The following PCDHA9 variants were observed in gnomAD, a reference collection of about 807,000 sequenced individuals.
The protein encoded by PCDHA9 is protocadherin alpha 9.
Under a neutral mutation model 62.0 loss-of-function variants are expected in PCDHA9, and 62 were observed. That is an observed-to-expected ratio of 1.00 (90% CI 0.81 to 1.23). The LOEUF is 1.23. Ranked by LOEUF, PCDHA9 falls within the 50% of genes most tolerant of loss-of-function variation. The probability of loss-of-function intolerance (pLI) is 0.00; values close to 1 mark genes in which losing one functional copy is unlikely to be tolerated. For synonymous variants in PCDHA9, 557 were observed against 567.6 expected, an observed-to-expected ratio of 0.98 and a Z score of 0.27; for missense variants, 1,205 against 1,249.8, an observed-to-expected ratio of 0.96 and a Z score of 0.54.
chr5:140,973,719 C>T (rs1184460895), intron 1 of PCDHA9, among the ~76,000 whole-genome samples: 8 of 152,228 alleles, frequency 5.3e-5, no homozygotes, highest in African/African-American at 1.7e-4. Flanking sequence ...TGAGCCATCA[C>T]ATGGGCATCT....
chr5:140,906,252 C>A (rs1376694912), intron 1 of PCDHA9, among the ~76,000 whole-genome samples: 1 of 152,180 alleles, frequency 6.6e-6, no homozygotes, highest in African/African-American at 2.4e-5. Context: ...AACCCATACA[C>A]ACCTCCTGAA....
At chr5:140,963,091 T>C (rs1250580965) in intron 1 of PCDHA9, among the ~76,000 whole-genome samples, 1 of 152,162 alleles carries the variant, frequency 6.6e-6, no homozygotes, top group African/African-American at 2.4e-5. Flanking sequence ...AAGACATGGC[T>C]CCTGCTTTCA....
At chr5:140,981,828 A>C (rs2096952526) in intron 2 of PCDHA9, among the ~76,000 whole-genome samples, 1 of 152,060 alleles carries the variant, frequency 6.6e-6, no homozygotes, top group Non-Finnish European at 1.5e-5. Context: ...GCTTGCCTCT[A>C]AAGGTCTCCC....
Position 140,870,991 on chromosome 5 carries a change from A to G in PCDHA9, c.2394+20102A>G, listed in dbSNP as rs782466247. On this transcript the variant is annotated intron_variant, in intron 1 of 3. Coordinates refer to ENST00000532602, the MANE Select transcript of PCDHA9 (RefSeq NM_031857.2). ...CCGCGTGGGGCTGTACACGGGCGAGATAAGCACAACGCGTGCCCTGGACGA... is the reference window on the plus strand; with the variant it reads ...CCGCGTGGGGCTGTACACGGGCGAGGTAAGCACAACGCGTGCCCTGGACGA... 10 of 1,613,364 alleles carry G rather than the reference A, an allele frequency of 6.2e-6. No individual in the cohort carries two copies. The East Asian group carries it at 1.1e-4, about 18-fold the overall frequency.
chr5:141,003,638 G>C (rs2098132492), intron 3 of PCDHA9, among the ~76,000 whole-genome samples: 1 of 152,118 alleles, frequency 6.6e-6, no homozygotes, highest in Admixed American at 6.6e-5. Flanking sequence ...TAAAGTAGAA[G>C]TGAAGATCTG....
Position 140,849,719 on chromosome 5 carries a change from G to C in PCDHA9, c.1224G>C (p.Val408=). 2 of 1,598,560 alleles carry C rather than the reference G, an allele frequency of 1.3e-6. No homozygotes were observed. Among genetic ancestry groups the C allele is most frequent in the South Asian group, 1.1e-5 (1 of 90,544 alleles). The part of the protein sequence containing the change: ...VSTYKNYYSL[V]LDRALDRESV... The stretch of plus-strand genomic sequence containing the variant: ...CCTACAAGAATTACTACTCGTTGGT[G>C]CTGGACAGAGCTCTGGACCGCGAGA... Residue 408 remains valine, a synonymous_variant, in exon 1 of 4, where the codon GTG becomes GTC. Coordinates refer to ENST00000532602, the MANE Select transcript of PCDHA9 (RefSeq NM_031857.2).
At chr5:140,978,739 T>C (rs2096820890) in intron 1 of PCDHA9, among the ~76,000 whole-genome samples, 1 of 152,252 alleles carries the variant, frequency 6.6e-6, no homozygotes, top group Non-Finnish European at 1.5e-5. Context: ...TCTTCCAGGG[T>C]ATCTAATCTG....
chr5:140,928,917 G>A (rs181013464), intron 1 of PCDHA9: 4 of 1,614,134 alleles, frequency 2.5e-6, no homozygotes, highest in Admixed American at 1.7e-5. Context: ...AACCAGGAGG[G>A]CAGCTTTCTG....
At chr5:140,944,746 A>G (rs1009788923) in intron 1 of PCDHA9, among the ~76,000 whole-genome samples, 6 of 152,214 alleles carry the variant, frequency 3.9e-5, no homozygotes, top group African/African-American at 1.4e-4. Context: ...GAGCATTTAC[A>G]TGGAAAAAAT....
At chr5:140,854,178 A>AATT in intron 1 of PCDHA9, 6 of 531,176 alleles carry the variant, frequency 1.1e-5, no homozygotes, top group Non-Finnish European at 1.2e-5. Context: ...AAAAAAAAAG[A>AATT]GTAGTTTAAC....
At chr5:141,004,179 G>A (rs2098156608) in intron 3 of PCDHA9, among the ~76,000 whole-genome samples, 1 of 152,206 alleles carries the variant, frequency 6.6e-6, no homozygotes, top group Non-Finnish European at 1.5e-5. Flanking sequence ...CAAGTGTCTT[G>A]AGTGCTCTTA....
At chr5:140,917,598 G>A (rs2078274580) in intron 1 of PCDHA9, among the ~76,000 whole-genome samples, 1 of 152,174 alleles carries the variant, frequency 6.6e-6, no homozygotes, top group Non-Finnish European at 1.5e-5. Flanking sequence ...TGAAAGGAAG[G>A]GGTCCAGTTT....
intron 3 of PCDHA9, among the ~76,000 whole-genome samples, chr5:141,007,680 C>G (rs1179621299): frequency 1.3e-5 from 2 of 152,148 alleles, no homozygotes; most frequent in African/African-American, 4.8e-5. Flanking sequence ...CAAAAGTTAT[C>G]CTACTTCCAC....
Position 140,849,860 on chromosome 5 carries a change from C to A in PCDHA9, c.1365C>A (p.Phe455Leu). The A allele has an allele frequency of 6.3e-7, 1 of 1,598,548 alleles. No homozygotes were observed. The highest frequency in any genetic ancestry group is 1.1e-5 in the South Asian group (1 of 90,544). Residue 455 changes from phenylalanine (F) to leucine (L), a missense_variant, in exon 1 of 4, where the codon TTC becomes TTA. Physicochemically the swap from Phe to Leu is conservative, Grantham distance 22. Transcript: ENST00000532602. ...VADVNDNAPA[F>L]AQSEYTVFVK... ...ACGTGAACGACAACGCACCAGCGTT[C>A]GCGCAGTCCGAGTACACGGTGTTCG...
At chr5:140,932,323 C>T (rs1259103502) in intron 1 of PCDHA9, among the ~76,000 whole-genome samples, 1 of 151,814 alleles carries the variant, frequency 6.6e-6, no homozygotes, top group Non-Finnish European at 1.5e-5. Flanking sequence ...ATTAATGTAG[C>T]AAAAATGCAT....
chr5:140,994,732 G>T (rs1159331502), intron 3 of PCDHA9, among the ~76,000 whole-genome samples: 3 of 152,114 alleles, frequency 2.0e-5, no homozygotes, highest in Non-Finnish European at 4.4e-5. Flanking sequence ...ACTGGGTATT[G>T]CAGGATGGCA....
chr5:140,934,152 T>C (rs2089672287), intron 1 of PCDHA9, among the ~76,000 whole-genome samples: 1 of 152,190 alleles, frequency 6.6e-6, no homozygotes. Context: ...TATATGTTTA[T>C]ATTTCAGTGT....
intron 1 of PCDHA9, among the ~76,000 whole-genome samples, chr5:140,972,181 AC>A: frequency 6.6e-6 from 1 of 152,234 alleles, no homozygotes; most frequent in Admixed American, 6.5e-5. Flanking sequence ...TTGGCCTGTC[AC>A]CCAGGCTGGA....
intron 1 of PCDHA9, among the ~76,000 whole-genome samples, chr5:140,895,744 G>T (rs534394379): frequency 6.6e-6 from 1 of 152,182 alleles, no homozygotes; most frequent in Admixed American, 6.5e-5. Flanking sequence ...GCTGCAAAGG[G>T]CATGATCTTT....
Sources: gnomAD v4.1 joint callset for allele counts (sites outside exome capture counted in the v4.1 genomes callset) on GRCh38, gnomAD v4.1.1 for gene constraint, MANE v1.5 for transcripts, NCBI Gene and HGNC (gene_info 2026-07-23, HGNC 2026-07-21) for gene names.